The following DCDC1 variants were observed in gnomAD, a reference collection of about 807,000 sequenced individuals.
The protein encoded by DCDC1 is doublecortin domain-containing protein 1.
DCDC1 carries 200 observed loss-of-function variants against 178.3 expected under a neutral mutation model. The observed-to-expected ratio is 1.12, with a 90% CI of 1.00 to 1.26. The LOEUF is 1.26. Among genes scored for constraint, DCDC1 ranks in the 50% most tolerant of loss-of-function variants. DCDC1 has a pLI of 0.00. For missense variants in DCDC1, 1,983 were observed against 1,749.2 expected (o/e 1.13, Z -2.38); for synonymous variants, 690 against 604.8 (o/e 1.14, Z -2.07).
intron 9 of DCDC1, among the ~76,000 whole-genome samples, chr11:31,210,219 G>A (rs898684061): frequency 2.0e-5 from 3 of 152,140 alleles, no homozygotes; most frequent in Admixed American, 6.5e-5. Flanking sequence ...GCCCTCCCAC[G>A]CAAAGAGAAG....
chr11:30,871,589 T>C (rs1195531358), intron 38 of DCDC1, among the ~76,000 whole-genome samples: 5 of 152,150 alleles, frequency 3.3e-5, no homozygotes, highest in Non-Finnish European at 7.3e-5. Flanking sequence ...TCTATCTTTT[T>C]ATATAGCACT....
chr11:31,299,990 T>C (rs903115822), intron 6 of DCDC1, among the ~76,000 whole-genome samples: 2 of 152,178 alleles, frequency 1.3e-5, no homozygotes, highest in Admixed American at 6.5e-5. Context: ...TCCTAGTATC[T>C]GGGACCACAG....
chr11:30,878,653 GC>G lies in DCDC1; in HGVS notation c.5291del (p.Gly1764AlafsTer71). On this transcript the variant is annotated frameshift_variant, in exon 38 of 39. Coordinates refer to ENST00000684477, the MANE Select transcript of DCDC1 (RefSeq NM_001387274.1). LOFTEE classifies it high-confidence loss of function. ...ACACCACAATGTCTGTGGCTTGAGG[GC>G]CCTGCTGCCTTCGGATTCTGGCATA... The part of the protein sequence containing the change: ...ANYARIRRQQ[G>X]PQATDIVVSP... 6.2e-7 allele frequency: 1 copy of G among 1,611,034 alleles called. No individual in the cohort carries two copies. The highest frequency in any genetic ancestry group is 8.5e-7 in the Non-Finnish European group (1 of 1,178,644).
chr11:31,357,316 A>C (rs1307405782), intron 1 of DCDC1, among the ~76,000 whole-genome samples: 2 of 149,380 alleles, frequency 1.3e-5, no homozygotes, highest in Non-Finnish European at 3.0e-5. Context: ...CCAGCATATA[A>C]ACAGAACCAA....
chr11:31,272,007 C>A (rs1035123421), intron 7 of DCDC1, among the ~76,000 whole-genome samples: 11 of 151,958 alleles, frequency 7.2e-5, no homozygotes, highest in Non-Finnish European at 1.6e-4. Flanking sequence ...ACTAAAAATA[C>A]AAAAATTAGC....
intron 20 of DCDC1, among the ~76,000 whole-genome samples, chr11:30,989,688 T>C (rs774876436): frequency 2.0e-5 from 3 of 152,216 alleles, no homozygotes; most frequent in Non-Finnish European, 4.4e-5. Context: ...CATTCAATAA[T>C]GTATTTATAG....
At chr11:31,353,160 G>C (rs1951160937) in intron 1 of DCDC1, among the ~76,000 whole-genome samples, 1 of 152,148 alleles carries the variant, frequency 6.6e-6, no homozygotes, top group Admixed American at 6.5e-5. Flanking sequence ...CCAAGGCAAT[G>C]GCCACTTCTT....
intron 7 of DCDC1, among the ~76,000 whole-genome samples, chr11:31,288,750 C>T (rs1947018017): frequency 6.6e-6 from 1 of 151,804 alleles, no homozygotes; most frequent in Non-Finnish European, 1.5e-5. Flanking sequence ...ATGCCACTTA[C>T]TTATTTCTAT....
chr11:31,039,730 C>T (rs543036521), intron 20 of DCDC1, among the ~76,000 whole-genome samples: 3 of 152,050 alleles, frequency 2.0e-5, no homozygotes, highest in Middle Eastern at 3.4e-3. Context: ...GGTATTATGC[C>T]ATAAAATTTT....
At chr11:31,369,009 G>A (rs1564941010) in intron 1 of DCDC1, among the ~76,000 whole-genome samples, 1 of 151,948 alleles carries the variant, frequency 6.6e-6, no homozygotes, top group East Asian at 1.9e-4. Context: ...CATATGCAGT[G>A]CCCCCTAACT....
intron 9 of DCDC1, among the ~76,000 whole-genome samples, chr11:31,154,056 C>A (rs1179992817): frequency 1.3e-5 from 2 of 152,128 alleles, no homozygotes; most frequent in African/African-American, 4.8e-5. Flanking sequence ...CTCACGCTAG[C>A]GAGTGAGTTC....
At chr11:30,875,605 C>G (rs1467630574) in intron 38 of DCDC1, among the ~76,000 whole-genome samples, 29 of 151,926 alleles carry the variant, frequency 1.9e-4, no homozygotes, top group Admixed American at 1.9e-3. Flanking sequence ...CTCAGCACAC[C>G]TGGGCTATTA....
intron 20 of DCDC1, among the ~76,000 whole-genome samples, chr11:30,971,126 C>T (rs919897607): frequency 1.3e-5 from 2 of 152,192 alleles, no homozygotes; most frequent in Non-Finnish European, 2.9e-5. Context: ...ACTGACCCAA[C>T]CAACACCGTA....
chr11:31,022,629 T>C (rs1239725896), intron 20 of DCDC1, among the ~76,000 whole-genome samples: 1 of 147,072 alleles, frequency 6.8e-6, no homozygotes, highest in African/African-American at 2.5e-5. Context: ...CTTGTTTATC[T>C]AGTGTCTTTT....
At chr11:30,870,002 G>A (rs1002199103) in intron 38 of DCDC1, among the ~76,000 whole-genome samples, 2 of 152,112 alleles carry the variant, frequency 1.3e-5, no homozygotes, top group African/African-American at 4.8e-5. Flanking sequence ...GTGACTAGTT[G>A]GAAAATCAGT....
At chr11:31,065,331 G>T (rs564096826) in intron 18 of DCDC1, among the ~76,000 whole-genome samples, 178 bp from the exon 19 acceptor site, 1 of 151,986 alleles carries the variant, frequency 6.6e-6, no homozygotes, top group Non-Finnish European at 1.5e-5. Flanking sequence ...TAATATTAAC[G>T]TTTCTAATTA....
At chr11:30,943,672 G>A (rs2134408612) in intron 21 of DCDC1, 1 of 451,932 alleles carries the variant, frequency 2.2e-6, no homozygotes, top group East Asian at 7.0e-5. Context: ...TTTTTCCAGT[G>A]AACTTAGTCA....
intron 12 of DCDC1, among the ~76,000 whole-genome samples, chr11:31,107,803 A>G (rs1958948954): frequency 6.6e-6 from 1 of 151,772 alleles, no homozygotes; most frequent in Non-Finnish European, 1.5e-5. Context: ...CACCCTATCC[A>G]TCACTCTTCC....
intron 1 of DCDC1, among the ~76,000 whole-genome samples, chr11:31,338,687 G>A (rs188614604): frequency 1.3e-5 from 2 of 152,262 alleles, no homozygotes; most frequent in East Asian, 3.9e-4. Flanking sequence ...AAAGAAGGGG[G>A]TATGGGGCAT....
Sources: gnomAD v4.1 joint callset for allele counts (sites outside exome capture counted in the v4.1 genomes callset) on GRCh38, gnomAD v4.1.1 for gene constraint, MANE v1.5 for transcripts, NCBI Gene and HGNC (gene_info 2026-07-23, HGNC 2026-07-21) for gene names.